Variants in BDP1 observed in about 807,000 individuals in gnomAD.
BDP1 encodes transcription factor TFIIIB component B'' homolog.
BDP1 carries 169 observed loss-of-function variants against 266.6 expected under a neutral mutation model. That is an observed-to-expected ratio of 0.63 (90% CI 0.56 to 0.72). The LOEUF is 0.72. BDP1 is among the 30% of genes least tolerant of loss of function. The pLI is 0.00. For missense variants in BDP1, 3,015 were observed against 3,053.8 expected (o/e 0.99, Z 0.30); for synonymous variants, 1,090 against 1,022.4 (o/e 1.07, Z -1.26).
At chr5:71,478,659 A>AT (rs200511042) in intron 7 of BDP1, among the ~76,000 whole-genome samples, 4,227 of 145,922 alleles carry the variant, frequency 0.029, 82 homozygotes, top group South Asian at 0.08. Context: ...TGTTTTCAGG[A>AT]TTTTTTTTTT....
intron 7 of BDP1, among the ~76,000 whole-genome samples, chr5:71,478,866 C>T (rs1762759877): frequency 6.6e-6 from 1 of 152,112 alleles, no homozygotes; most frequent in Admixed American, 6.5e-5. Flanking sequence ...AAGCTCTGAC[C>T]ACCTTTTTCC....
chr5:71,461,552 T>G (rs1761565710), intron 2 of BDP1, among the ~76,000 whole-genome samples: 1 of 152,126 alleles, frequency 6.6e-6, no homozygotes, highest in African/African-American at 2.4e-5. Flanking sequence ...AGTTCAAGGC[T>G]GCAGTGAGCT....
At chr5:71,526,016 T>C (rs2150520142) in intron 25 of BDP1, among the ~76,000 whole-genome samples, 3 of 152,040 alleles carry the variant, frequency 2.0e-5, no homozygotes, top group African/African-American at 7.2e-5. Context: ...GCAGAGACGC[T>C]CCTCACTTCC....
At chr5:71,501,501 T>G (rs1580082609) in intron 13 of BDP1, 61 bp from the exon 14 acceptor site, 1 of 1,053,840 alleles carries the variant, frequency 9.5e-7, no homozygotes, top group African/African-American at 1.6e-5. Flanking sequence ...TTCCATTTGT[T>G]TATTACAAAG....
In BDP1 at chr5:71,510,623, A is replaced by C. The variant is rs766134833; in HGVS notation, c.3531A>C (p.Gly1177=). The change falls in exon 17 of 39, where the codon GGA becomes GGC. Residue 1177 remains glycine, a synonymous_variant. Coordinates refer to ENST00000358731, the MANE Select transcript of BDP1 (RefSeq NM_018429.3). ...TGGAGACAGACTTGAAAACAACTGG[A>C]AGAGAGGGTTCCTCAAGGGAGAAGA... The part of the protein sequence containing the change: ...DEMETDLKTT[G]REGSSREKTR... 2 of 1,587,222 alleles carry C rather than the reference A, an allele frequency of 1.3e-6. No homozygotes were observed. The highest frequency in any genetic ancestry group is 2.7e-5 in the African/African-American group (2 of 73,894).
intron 34 of BDP1, among the ~76,000 whole-genome samples, chr5:71,552,551 A>T (rs1742903997): frequency 6.6e-6 from 1 of 152,168 alleles, no homozygotes; most frequent in Admixed American, 6.5e-5. Context: ...AGTGAACAAG[A>T]CTCCGTCTGC....
chr5:71,462,397 G>A (rs1389426755), intron 3 of BDP1, among the ~76,000 whole-genome samples: 1 of 152,154 alleles, frequency 6.6e-6, no homozygotes, highest in East Asian at 1.9e-4. Context: ...ACAAAAAGTA[G>A]CAGTATTTCA....
At chr5:71,526,936 T>C (rs2150523424) in intron 25 of BDP1, among the ~76,000 whole-genome samples, 1 of 152,230 alleles carries the variant, frequency 6.6e-6, no homozygotes, top group Non-Finnish European at 1.5e-5. Context: ...TCCACCTGCC[T>C]CGGCCTCCCA....
At chr5:71,479,686 A>G (rs1762820640) in intron 7 of BDP1, among the ~76,000 whole-genome samples, 1 of 151,072 alleles carries the variant, frequency 6.6e-6, no homozygotes, top group Non-Finnish European at 1.5e-5. Flanking sequence ...AGCTGGGACA[A>G]CAGGCGCCCA....
chr5:71,504,310 A>G (rs896129367), intron 15 of BDP1, among the ~76,000 whole-genome samples: 1 of 151,792 alleles, frequency 6.6e-6, no homozygotes, highest in African/African-American at 2.4e-5. Flanking sequence ...CCCGTGATCT[A>G]TAATGCATTT....
At chr5:71,488,282 T>G (rs1763387002) in intron 9 of BDP1, among the ~76,000 whole-genome samples, 1 of 151,934 alleles carries the variant, frequency 6.6e-6, no homozygotes, top group South Asian at 2.1e-4. Context: ...TGTGCCACCA[T>G]GCCCAGCTAA....
rs777481466 is a variant in BDP1 at position 71,501,542 on chromosome 5, G to A, written c.1957-20G>A. The A allele has an allele frequency of 1.1e-5, 15 of 1,371,690 alleles. No homozygotes were observed. The highest frequency in any genetic ancestry group is 1.4e-5 in the African/African-American group (1 of 69,288). 85.0% of individuals were successfully genotyped at this position (1,371,690 alleles called of 1,614,324 possible). A position where few individuals can be genotyped will look rare whatever the true frequency, so the allele number is the denominator to read the frequency against. ...ACTGTTTATTGTAAGTAGATAAATT[G>A]TAGCAAATTAAATTCACAGAACCAC... is the stretch of plus-strand genomic sequence containing the variant. On this transcript the variant is annotated intron_variant, in intron 13 of 38. Coordinates refer to ENST00000358731, the MANE Select transcript of BDP1 (RefSeq NM_018429.3).
chr5:71,497,331 C>T lies in BDP1; in HGVS notation c.1861C>T (p.Pro621Ser), dbSNP rs763616644. Residue 621 changes from proline (P) to serine (S), a missense_variant, in exon 13 of 39, where the codon CCC (proline) becomes TCC (serine). Coordinates refer to ENST00000358731, the MANE Select transcript of BDP1 (RefSeq NM_018429.3). Reference sequence around the variant, plus strand: ...GAGAGGTCGCTTCCAAAGACCTAAACCCAATTTGTCAAGGGCTGGGAAGAA... The same window carrying T: ...GAGAGGTCGCTTCCAAAGACCTAAATCCAATTTGTCAAGGGCTGGGAAGAA... Reference protein sequence around the residue: ...MLRGRFQRPKPNLSRAGKKSV... With the variant: ...MLRGRFQRPKSNLSRAGKKSV... 1.2e-6 allele frequency: 2 copies of T among 1,613,732 alleles called. No homozygotes were observed. Among genetic ancestry groups the T allele is most frequent in the South Asian group, 2.2e-5 (2 of 91,052 alleles).
downstream of BDP1, among the ~76,000 whole-genome samples, chr5:71,572,384 C>T (rs1004615611): frequency 5.3e-5 from 8 of 152,138 alleles, no homozygotes; most frequent in Non-Finnish European, 1.0e-4. Context: ...TTACAAGTGG[C>T]GTCCAAACAC....
intron 31 of BDP1, 129 bp downstream of exon 31, chr5:71,544,636 T>G (rs1360515385): frequency 1.1e-6 from 1 of 935,092 alleles, no homozygotes; most frequent in Non-Finnish European, 1.6e-6. Flanking sequence ...TCCCGGCACT[T>G]TGGGAGGCCA....
At chr5:71,523,594 G>T (rs1007514876) in intron 24 of BDP1, among the ~76,000 whole-genome samples, 37 of 152,188 alleles carry the variant, frequency 2.4e-4, no homozygotes, top group African/African-American at 8.7e-4. Context: ...GAGTAGAGGC[G>T]TGAGCTACTG....
chr5:71,574,919 G>A, the BDP1 span, among the ~76,000 whole-genome samples: 1 of 152,178 alleles, frequency 6.6e-6, no homozygotes, highest in Non-Finnish European at 1.5e-5. Context: ...TATGGATATG[G>A]GAGCTGATGT....
chr5:71,512,503 A>T, intron 18 of BDP1, 75 bp downstream of exon 18: 2 of 993,828 alleles, frequency 2.0e-6, no homozygotes, highest in Non-Finnish European at 2.9e-6. Flanking sequence ...AGGTTTCAAG[A>T]TATAACATAT....
intron 25 of BDP1, among the ~76,000 whole-genome samples, chr5:71,524,539 A>G (rs923382092): frequency 5.8e-5 from 7 of 120,080 alleles, no homozygotes; most frequent in Non-Finnish European, 1.4e-4. Context: ...CAGTGTAACA[A>G]CGAGAGAAAT....
Sources: allele counts gnomAD v4.1 joint callset (sites outside exome capture counted in the v4.1 genomes callset), GRCh38; gene constraint gnomAD v4.1.1; transcripts MANE v1.5; gene names NCBI Gene and HGNC (gene_info 2026-07-23, HGNC 2026-07-21).